Variants in PFDN1 observed in about 807,000 individuals in gnomAD.
PFDN1 encodes the protein prefoldin 1.
Under a neutral mutation model 17.3 loss-of-function variants are expected in PFDN1, and 6 were observed. The observed-to-expected ratio is 0.35, with a 90% confidence interval of 0.19 to 0.69. PFDN1 has a LOEUF of 0.69. PFDN1 is among the 30% of genes least tolerant of loss of function. The pLI, the probability that PFDN1 is intolerant of heterozygous loss-of-function variation, is 0.65. For missense variants in PFDN1, 113 were observed against 146.2 expected (o/e 0.77, Z 1.17); for synonymous variants, 58 against 50.1 (o/e 1.16, Z -0.67).
intron 3 of PFDN1, among the ~76,000 whole-genome samples, chr5:140,279,995 C>CA (rs772575762): frequency 0.28 from 8,487 of 29,798 alleles, 1,184 homozygotes; most frequent in African/African-American, 0.3. Flanking sequence ...AACTCCGTCT[C>CA]AAAAAAAAAA....
At chr5:140,253,119 T>C (rs1764938601) in intron 3 of PFDN1, among the ~76,000 whole-genome samples, 1 of 152,028 alleles carries the variant, frequency 6.6e-6, no homozygotes, top group Non-Finnish European at 1.5e-5. Context: ...TCGGAAGGAG[T>C]TACTGTCCCT....
rs190831325 is a variant in PFDN1 at position 140,266,350 on chromosome 5, T to C, written c.285+15099A>G. ...CTATCATTAAACTAGGGAGTAACAC[T>C]GGTTTGTGACTTGAGAAATATCTAA... On this transcript the variant is annotated intron_variant, in intron 3 of 3. Transcript: ENST00000261813. Among the ~76,000 whole-genome samples the C allele has an allele frequency of 8.4e-4, 128 of 152,332 alleles. 1 individual carries two copies. The highest frequency in any genetic ancestry group is 2.8e-3 in the African/African-American group (117 of 41,580).
At chr5:140,289,725 C>A (rs1765550934) in intron 2 of PFDN1, among the ~76,000 whole-genome samples, 1 of 152,164 alleles carries the variant, frequency 6.6e-6, no homozygotes. Flanking sequence ...CATATCACCT[C>A]AAATTCAACA....
chr5:140,290,399 C>A (rs1765561865), intron 2 of PFDN1, among the ~76,000 whole-genome samples: 1 of 152,106 alleles, frequency 6.6e-6, no homozygotes, highest in African/African-American at 2.4e-5. Context: ...ATTCCTGTAG[C>A]CAAGCTGATG....
chr5:140,276,389 A>C (rs1032680276), intron 3 of PFDN1, among the ~76,000 whole-genome samples: 2 of 152,218 alleles, frequency 1.3e-5, no homozygotes, highest in Non-Finnish European at 2.9e-5. Flanking sequence ...CTGAAGGATT[A>C]GTAGATGGAA....
chr5:140,286,154 C>CA (rs1240717350), intron 2 of PFDN1, among the ~76,000 whole-genome samples: 1 of 151,802 alleles, frequency 6.6e-6, no homozygotes, highest in Non-Finnish European at 1.5e-5. Flanking sequence ...TTCACACCTG[C>CA]AATCCCTGCA....
In PFDN1 at chr5:140,273,428, G is replaced by A. The variant is rs1017751888; in HGVS notation, c.285+8021C>T. Among the ~76,000 whole-genome samples, 4 of 152,058 alleles carry A rather than the reference G, an allele frequency of 2.6e-5. No individual in the cohort carries two copies. In the South Asian group the frequency reaches 6.2e-4, roughly 24 times the overall value. ...AGTGCCTACCAGTCACCACCCATGC[G>A]ATGGAAAAAATGATTCTCAACAGGC... On this transcript the variant is annotated intron_variant, in intron 3 of 3. Coordinates refer to ENST00000261813, the MANE Select transcript of PFDN1 (RefSeq NM_002622.5).
intron 2 of PFDN1, 117 bp from the exon 3 acceptor site, chr5:140,281,650 C>G (rs945461193): frequency 4.6e-6 from 3 of 654,106 alleles, no homozygotes; most frequent in African/African-American, 3.7e-5. Context: ...TGCATATTAA[C>G]ATAATACGTC....
chr5:140,264,637 G>A (rs774266562), intron 3 of PFDN1, among the ~76,000 whole-genome samples: 1 of 151,624 alleles, frequency 6.6e-6, no homozygotes, highest in East Asian at 1.9e-4. Flanking sequence ...CCAAGTTTGA[G>A]ACCAGCCTGG....
At chr5:140,265,473 T>C (rs111590998) in intron 3 of PFDN1, among the ~76,000 whole-genome samples, 16 of 152,304 alleles carry the variant, frequency 1.1e-4, no homozygotes, top group African/African-American at 3.4e-4. Context: ...TAGACAATTC[T>C]CCATTTTATT....
intron 3 of PFDN1, among the ~76,000 whole-genome samples, chr5:140,270,507 TATCTTA>T (rs923150963): frequency 4.6e-5 from 7 of 152,188 alleles, no homozygotes; most frequent in African/African-American, 1.7e-4. Context: ...TTAAGTCTCT[TATCTTA>T]ATCATAAAAT....
At chr5:140,263,670 A>G (rs566374174) in intron 3 of PFDN1, among the ~76,000 whole-genome samples, 20 of 152,126 alleles carry the variant, frequency 1.3e-4, no homozygotes, top group Non-Finnish European at 2.4e-4. Context: ...CACAGGCTGT[A>G]CAGGCATAGC....
At chr5:140,300,888 AG>A (rs1209388124) in intron 1 of PFDN1, among the ~76,000 whole-genome samples, 1 of 152,234 alleles carries the variant, frequency 6.6e-6, no homozygotes, top group African/African-American at 2.4e-5. Context: ...TGAAATCCAG[AG>A]ATTCAAAACA....
chr5:140,278,587 A>AAAAAAAAAAAAAAAAAC (rs1561508718), intron 3 of PFDN1, among the ~76,000 whole-genome samples: 2 of 131,784 alleles, frequency 1.5e-5, no homozygotes, highest in Admixed American at 7.9e-5. Context: ...AAAAAAAAAA[A>AAAAAAAAAAAAAAAAAC]CAAAAAACAA....
chr5:140,246,894 A>AG (rs1184096144), intron 3 of PFDN1, among the ~76,000 whole-genome samples: 1 of 152,188 alleles, frequency 6.6e-6, no homozygotes, highest in African/African-American at 2.4e-5. Context: ...TCCGTTTTAG[A>AG]GGAATACTAT....
intron 3 of PFDN1, among the ~76,000 whole-genome samples, chr5:140,263,834 A>C (rs1053524830): frequency 1.1e-4 from 16 of 151,654 alleles, no homozygotes; most frequent in Admixed American, 8.5e-4. Context: ...ATCCTGACTA[A>C]CACAGTGAAA....
intron 3 of PFDN1, among the ~76,000 whole-genome samples, chr5:140,278,587 A>AAAAAAAAAAAAAAAAAAAAAAAAAAAAC (rs1561508718): frequency 7.6e-6 from 1 of 131,784 alleles, no homozygotes; most frequent in African/African-American, 2.9e-5. Context: ...AAAAAAAAAA[A>AAAAAAAAAAAAAAAAAAAAAAAAAAAAC]CAAAAAACAA....
At position 140,245,283 on chromosome 5, in the gene PFDN1, C is replaced by T. The variant is rs933077145; in HGVS notation, c.*691G>A. ...TATGGCGTCCATCTTATGATATTGG[C>T]CAAAAGGAGACAGTCTTGGAGGTGC... On this transcript the variant is annotated 3_prime_UTR_variant, in exon 4 of 4. Transcript: ENST00000261813. 1 of 569,296 alleles carries T rather than the reference C, an allele frequency of 1.8e-6. No homozygotes were observed. The highest frequency in any genetic ancestry group is 3.1e-6 in the Non-Finnish European group (1 of 317,854). 35.3% of individuals were successfully genotyped at this position (569,296 alleles called of 1,614,324 possible).
intron 3 of PFDN1, among the ~76,000 whole-genome samples, chr5:140,246,432 T>C (rs1430932505): frequency 1.3e-5 from 2 of 152,234 alleles, no homozygotes; most frequent in African/African-American, 2.4e-5. Context: ...CTATCTCCTC[T>C]CAAGGTTTTC....
Sources: gnomAD v4.1 joint callset for allele counts (sites outside exome capture counted in the v4.1 genomes callset) on GRCh38, gnomAD v4.1.1 for gene constraint, MANE v1.5 for transcripts, NCBI Gene and HGNC (gene_info 2026-07-23, HGNC 2026-07-21) for gene names.